The following VSTM4 variants were observed in gnomAD, a reference collection of about 807,000 sequenced individuals.
VSTM4 encodes V-set and transmembrane domain containing 4.
VSTM4 carries 20 observed loss-of-function variants against 36.4 expected under a neutral mutation model. The observed-to-expected ratio is 0.55, with a 90% confidence interval of 0.39 to 0.80. The LOEUF is 0.80. Ranked by LOEUF, VSTM4 falls within the 30% of genes least tolerant of loss-of-function variation. The probability of loss-of-function intolerance (pLI) is 0.00; values close to 1 mark genes in which losing one functional copy is unlikely to be tolerated. For missense variants in VSTM4, 392 were observed against 404.5 expected, an observed-to-expected ratio of 0.97 and a Z score of 0.26; for synonymous variants, 182 against 173.9, an observed-to-expected ratio of 1.05 and a Z score of -0.37.
intron 7 of VSTM4, among the ~76,000 whole-genome samples, chr10:49,044,750 C>T (rs897692001): frequency 2.7e-5 from 4 of 148,818 alleles, no homozygotes; most frequent in Admixed American, 2.7e-4. Flanking sequence ...CATGTTGGTG[C>T]TTTATGTGTC....
intron 2 of VSTM4, among the ~76,000 whole-genome samples, chr10:49,088,920 CA>C (rs1844423091): frequency 6.6e-6 from 1 of 152,228 alleles, no homozygotes; most frequent in African/African-American, 2.4e-5. Flanking sequence ...CACGGGCCAG[CA>C]ATGTCAGTGT....
At chr10:49,060,176 T>A (rs182451173) in intron 5 of VSTM4, among the ~76,000 whole-genome samples, 38 of 152,364 alleles carry the variant, frequency 2.5e-4, no homozygotes, top group African/African-American at 8.7e-4. Flanking sequence ...AACAACTGCA[T>A]ATATGTTTTC....
intron 7 of VSTM4, among the ~76,000 whole-genome samples, chr10:49,032,059 C>T (rs537394271): frequency 1.3e-5 from 2 of 152,192 alleles, no homozygotes; most frequent in Non-Finnish European, 2.9e-5. Flanking sequence ...CCCCAGCTCC[C>T]CTTGCCCTGT....
chr10:49,067,150 A>G (rs1202701126), intron 4 of VSTM4, among the ~76,000 whole-genome samples: 2 of 152,368 alleles, frequency 1.3e-5, no homozygotes, highest in African/African-American at 4.8e-5. Flanking sequence ...TGGAAATTAC[A>G]TCTTTCGCAA....
intron 7 of VSTM4, among the ~76,000 whole-genome samples, chr10:49,028,675 G>A (rs1843299600): frequency 6.6e-6 from 1 of 152,206 alleles, no homozygotes. Context: ...ATTCTCTTAT[G>A]CAGACTCCTG....
intron 1 of VSTM4, among the ~76,000 whole-genome samples, chr10:49,108,523 G>A (rs1412542393): frequency 6.6e-6 from 1 of 152,156 alleles, no homozygotes; most frequent in Non-Finnish European, 1.5e-5. Flanking sequence ...CAGGAAGCTG[G>A]GCCCCTTTCC....
intron 4 of VSTM4, among the ~76,000 whole-genome samples, chr10:49,073,448 G>T (rs1844118394): frequency 6.6e-6 from 1 of 152,240 alleles, no homozygotes; most frequent in Non-Finnish European, 1.5e-5. Flanking sequence ...ACAGGGGCTT[G>T]ATGTGACCAC....
At chr10:49,077,011 G>A (rs1015568747) in intron 4 of VSTM4, among the ~76,000 whole-genome samples, 4 of 152,186 alleles carry the variant, frequency 2.6e-5, no homozygotes, top group African/African-American at 4.8e-5. Context: ...CGAGAAAGGG[G>A]AAATTCAGTG....
chr10:49,048,653 A>T, intron 5 of VSTM4, 69 bp from the exon 6 acceptor site: 1 of 1,299,960 alleles, frequency 7.7e-7, no homozygotes. Flanking sequence ...AAAAAAAAAA[A>T]CCCACAATAG....
intron 1 of VSTM4, among the ~76,000 whole-genome samples, chr10:49,112,692 C>T (rs1363474333): frequency 1.3e-5 from 2 of 152,230 alleles, no homozygotes; most frequent in Admixed American, 1.3e-4. Context: ...CACACCCCAA[C>T]ATGGTTTAAT....
intron 2 of VSTM4, among the ~76,000 whole-genome samples, chr10:49,099,668 C>T (rs1844632071): frequency 6.6e-6 from 1 of 152,230 alleles, no homozygotes; most frequent in African/African-American, 2.4e-5. Context: ...TCACATGGCA[C>T]AGGCAATTGG....
At chr10:49,057,545 G>T (rs3924983) in intron 5 of VSTM4, among the ~76,000 whole-genome samples, 5,415 of 152,282 alleles carry the variant, frequency 0.036, 305 homozygotes, top group African/African-American at 0.12. Flanking sequence ...CACTGAAGCT[G>T]TCGGAATCCA....
At chr10:49,020,471 A>G in intron 7 of VSTM4, among the ~76,000 whole-genome samples, 1 of 152,148 alleles carries the variant, frequency 6.6e-6, no homozygotes, top group East Asian at 1.9e-4. Flanking sequence ...TGAAAAATAA[A>G]TTAATCAAGA....
chr10:49,043,560 A>T (rs1843553578), intron 7 of VSTM4, among the ~76,000 whole-genome samples: 1 of 152,218 alleles, frequency 6.6e-6, no homozygotes, highest in Admixed American at 6.5e-5. Context: ...ATTCACAGAC[A>T]AATTGCTCAA....
chr10:49,026,342 G>A (rs1033419949), intron 7 of VSTM4, among the ~76,000 whole-genome samples: 2 of 152,170 alleles, frequency 1.3e-5, no homozygotes, highest in African/African-American at 4.8e-5. Flanking sequence ...TGGGGCAAGA[G>A]TTGTTCCCAC....
At chr10:49,037,404 G>A (rs910464439) in intron 7 of VSTM4, among the ~76,000 whole-genome samples, 4 of 152,228 alleles carry the variant, frequency 2.6e-5, no homozygotes, top group Non-Finnish European at 5.9e-5. Flanking sequence ...TTTCCAACAA[G>A]CTCCCAGGCA....
At chr10:49,050,127 T>C (rs537138868) in intron 5 of VSTM4, among the ~76,000 whole-genome samples, 1 of 152,342 alleles carries the variant, frequency 6.6e-6, no homozygotes, top group Non-Finnish European at 1.5e-5. Context: ...ACGAAGAAGC[T>C]ACGTGTGTCC....
At chr10:49,076,498 C>A (rs564356414) in intron 4 of VSTM4, among the ~76,000 whole-genome samples, 1 of 152,260 alleles carries the variant, frequency 6.6e-6, no homozygotes, top group East Asian at 1.9e-4. Context: ...GCCACAGTGT[C>A]CCCAAGCTGT....
intron 7 of VSTM4, among the ~76,000 whole-genome samples, chr10:49,034,948 C>A (rs1239204664): frequency 9.2e-5 from 14 of 152,172 alleles, no homozygotes; most frequent in Admixed American, 7.2e-4. Context: ...TATTTCCCAG[C>A]AGTGCAATGA....
Sources: gnomAD v4.1 joint callset for allele counts (sites outside exome capture counted in the v4.1 genomes callset) on GRCh38, gnomAD v4.1.1 for gene constraint, MANE v1.5 for transcripts, NCBI Gene and HGNC (gene_info 2026-07-23, HGNC 2026-07-21) for gene names.